HLF: variants seen among roughly 807,000 people sequenced by gnomAD.
The protein encoded by HLF is hepatic leukemia factor.
A neutral mutation model predicts 22.6 loss-of-function variants in HLF; 3 were observed. That is an observed-to-expected ratio of 0.13 (90% confidence interval 0.06 to 0.34). HLF has a LOEUF of 0.34. HLF is among the 10% of genes least tolerant of loss of function. The pLI is 1.00. For synonymous variants in HLF, 151 were observed against 151.8 expected (o/e 0.99, Z 0.04); for missense variants, 299 against 389.2 (o/e 0.77, Z 1.95).
At chr17:55,299,595 CT>C (rs2081139071) in intron 2 of HLF, among the ~76,000 whole-genome samples, 2 of 152,170 alleles carry the variant, frequency 1.3e-5, no homozygotes, top group Non-Finnish European at 2.9e-5. Context: ...AAGCAGGCAC[CT>C]AACATCCAAG....
chr17:55,297,555 C>T (rs1022795066), intron 2 of HLF, among the ~76,000 whole-genome samples: 5 of 151,786 alleles, frequency 3.3e-5, no homozygotes, highest in African/African-American at 1.2e-4. Flanking sequence ...CTCTTCTTTA[C>T]TGCCTGCCTG....
chr17:55,316,135 T>G (rs966064175), intron 3 of HLF, among the ~76,000 whole-genome samples: 5 of 152,224 alleles, frequency 3.3e-5, no homozygotes, highest in Non-Finnish European at 7.3e-5. Flanking sequence ...TAAAACAAAA[T>G]TAACCAGACA....
intron 3 of HLF, among the ~76,000 whole-genome samples, chr17:55,315,780 A>T (rs1179172731): frequency 1.3e-5 from 2 of 152,230 alleles, no homozygotes; most frequent in Admixed American, 6.5e-5. Flanking sequence ...CAAGGTTGAG[A>T]AGAGAAAGAA....
chr17:55,310,177 T>C lies in HLF; in HGVS notation c.452-5050T>C, dbSNP rs183988530. Among the ~76,000 whole-genome samples the C allele has an allele frequency of 2.6e-5, 4 of 152,272 alleles. No homozygotes were observed. The East Asian group carries it at 7.7e-4, about 29-fold the overall frequency. On this transcript the variant is annotated intron_variant, in intron 2 of 3. Coordinates refer to ENST00000226067, the MANE Select transcript of HLF (RefSeq NM_002126.5). Reference sequence around the variant, plus strand: ...GTTCCACCCTTTCCTCCAGAAACCCTCCTTGGTTCTTCTGGAAGTGACTTT... The same window carrying C: ...GTTCCACCCTTTCCTCCAGAAACCCCCCTTGGTTCTTCTGGAAGTGACTTT...
intron 2 of HLF, among the ~76,000 whole-genome samples, chr17:55,313,500 G>C (rs991171639): frequency 6.6e-6 from 1 of 152,032 alleles, no homozygotes; most frequent in Non-Finnish European, 1.5e-5. Context: ...AGTATTAAGA[G>C]GTGTTACATG....
chr17:55,297,594 C>A (rs763620757), intron 2 of HLF, among the ~76,000 whole-genome samples: 40 of 151,960 alleles, frequency 2.6e-4, no homozygotes, highest in Non-Finnish European at 5.4e-4. Context: ...TCATTTCTTT[C>A]ATCCTTTCCT....
chr17:55,276,918 A>C (rs2080908954), intron 2 of HLF, among the ~76,000 whole-genome samples: 1 of 152,198 alleles, frequency 6.6e-6, no homozygotes, highest in South Asian at 2.1e-4. Context: ...TTGAAAATAA[A>C]TACTCTCCCT....
intron 3 of HLF, among the ~76,000 whole-genome samples, chr17:55,317,288 T>A (rs1170407433): frequency 6.6e-6 from 1 of 152,128 alleles, no homozygotes; most frequent in Non-Finnish European, 1.5e-5. Flanking sequence ...TTTTAAAGCC[T>A]CGTATCTTAA....
At chr17:55,316,973 T>TTG (rs1555609895) in intron 3 of HLF, among the ~76,000 whole-genome samples, 199 of 137,222 alleles carry the variant, frequency 1.5e-3, no homozygotes, top group African/African-American at 5.0e-3. Context: ...GTGTTTTTTT[T>TTG]TTTTTTTTTT....
intron 2 of HLF, among the ~76,000 whole-genome samples, chr17:55,290,015 C>T (rs1490938411): frequency 6.6e-6 from 1 of 152,168 alleles, no homozygotes; most frequent in African/African-American, 2.4e-5. Flanking sequence ...AGATATTTCG[C>T]TTTGGAATGT....
intron 2 of HLF, chr17:55,272,337 A>G (rs2080865693): frequency 6.6e-6 from 1 of 152,242 alleles, no homozygotes. Flanking sequence ...ACAAAGGCAG[A>G]GTTATTTTTA....
chr17:55,274,730 A>G (rs1015630136), intron 2 of HLF, among the ~76,000 whole-genome samples: 4 of 152,188 alleles, frequency 2.6e-5, no homozygotes, highest in Non-Finnish European at 4.4e-5. Context: ...TAATCATTGG[A>G]CCTGCCTCAT....
At position 55,266,040 on chromosome 17, in the gene HLF, C is replaced by G. The variant is rs573659775; in HGVS notation, c.115+441C>G. On this transcript the variant is annotated intron_variant, in intron 1 of 3. Transcript: ENST00000226067. ...CGGCTTGAGGGAGGGGGTTTCACTG[C>G]GTAGCCTGGGTTTTGGGGTTGTGTT... is the stretch of plus-strand genomic sequence containing the variant. 2.0e-5 allele frequency among the ~76,000 whole-genome samples: 3 copies of G among 152,188 alleles called. No individual in the cohort carries two copies. In the South Asian group the frequency reaches 6.2e-4, roughly 32 times the overall value.
At chr17:55,315,184 C>T (rs780171226) in intron 2 of HLF, 43 bp from the exon 3 acceptor site, 10 of 1,496,128 alleles carry the variant, frequency 6.7e-6, no homozygotes, top group African/African-American at 2.8e-5. Flanking sequence ...CCTACTGGGT[C>T]TCTCTAGGGT....
chr17:55,318,897 T>G (rs1905166504), intron 3 of HLF: 1 of 152,622 alleles, frequency 6.6e-6, no homozygotes, highest in Admixed American at 6.5e-5. Flanking sequence ...TTGACTCGCC[T>G]GACTCCTCCC....
chr17:55,325,060 CCTTT>C lies in HLF; in HGVS notation c.*4187_*4190del, dbSNP rs1905417508. The C allele has an allele frequency of 4.7e-6, 1 of 212,580 alleles. No individual in the cohort carries two copies. The highest frequency in any genetic ancestry group is 9.5e-6 in the Non-Finnish European group (1 of 104,916). The allele number at this position is 212,580 out of a possible 1,614,324, so 13.2% of individuals were successfully genotyped here. On this transcript the variant is annotated 3_prime_UTR_variant, in exon 4 of 4. Transcript: ENST00000226067. ...ATGTTGAATAAACTTTGAATTTTTT[CCTTT>C]CTTTCATGTATTTTTATTAACAGTT...
intron 2 of HLF, among the ~76,000 whole-genome samples, chr17:55,294,482 T>G (rs6504958): frequency 0.46 from 70,347 of 152,070 alleles, 18,300 homozygotes; most frequent in African/African-American, 0.71. Context: ...CACAGCGTAG[T>G]GGGAGAGATA....
chr17:55,267,543 A>G (rs976339256), intron 1 of HLF: 1 of 517,218 alleles, frequency 1.9e-6, no homozygotes, highest in African/African-American at 2.0e-5. Flanking sequence ...CCTTCTTTCC[A>G]AAGTAAATAG....
rs367940386 is a variant in HLF, at chr17:55,268,737, C to CT, written c.451+664dup. Among the ~76,000 whole-genome samples, 354 of 145,916 alleles carry CT rather than the reference C, an allele frequency of 2.4e-3. 3 individuals are homozygous for CT. The highest frequency in any genetic ancestry group is 9.2e-3 in the South Asian group (42 of 4,586). On this transcript the variant is annotated intron_variant, in intron 2 of 3. Transcript: ENST00000226067. ...TTCCCATAAACCCAACTGTTCTTAT[C>CT]TTTTTTTTTTTTTCATTTTCATCTG... is the stretch of plus-strand genomic sequence containing the variant.
Sources: allele counts gnomAD v4.1 joint callset (sites outside exome capture counted in the v4.1 genomes callset), GRCh38; gene constraint gnomAD v4.1.1; transcripts MANE v1.5; gene names NCBI Gene and HGNC (gene_info 2026-07-23, HGNC 2026-07-21).